KAZN: variants seen among roughly 807,000 people sequenced by gnomAD.
The protein encoded by KAZN is kazrin, periplakin interacting protein.
In KAZN, 40 loss-of-function variants were observed where a neutral mutation model predicts 87.4. The ratio of observed to expected loss-of-function variants is 0.46; its 90% CI spans 0.36 to 0.60. The LOEUF (loss-of-function observed/expected upper bound fraction) is 0.60. Among genes scored for constraint, KAZN ranks in the 20% least tolerant of loss-of-function variants. The pLI, the probability that KAZN is intolerant of heterozygous loss-of-function variation, is 0.00. For missense variants in KAZN, 898 were observed against 1,073.9 expected (o/e 0.84, Z 2.29); for synonymous variants, 466 against 458.3 (o/e 1.02, Z -0.22).
rs1015142810 is a variant in KAZN, at chr1:14,877,627, C to A, written c.227-83057C>A. 5.3e-5 allele frequency among the ~76,000 whole-genome samples: 8 copies of A among 152,306 alleles called. No individual in the cohort carries two copies. The East Asian group carries it at 9.7e-4, about 18-fold the overall frequency. The stretch of plus-strand genomic sequence containing the variant: ...CTTGGGTTCAAGTCCTGGCTCCTCC[C>A]TTATTAGTTTGGTCACCTAGGACAA... On this transcript the variant is annotated intron_variant, in intron 1 of 14. Coordinates refer to ENST00000376030, the MANE Select transcript of KAZN (RefSeq NM_201628.3).
chr1:13,914,005 G>A (rs1639749315), intron 1 of KAZN, among the ~76,000 whole-genome samples: 1 of 152,210 alleles, frequency 6.6e-6, no homozygotes, highest in African/African-American at 2.4e-5. Flanking sequence ...AGACTCTGGG[G>A]GTGAGGCCCG....
intron 1 of KAZN, among the ~76,000 whole-genome samples, chr1:13,947,964 G>A (rs1263962359): frequency 6.6e-6 from 1 of 152,106 alleles, no homozygotes; most frequent in Non-Finnish European, 1.5e-5. Flanking sequence ...CAATTTCTGG[G>A]GTTAGGATGT....
intron 1 of KAZN, among the ~76,000 whole-genome samples, chr1:14,622,734 A>G (rs892285353): frequency 6.6e-6 from 1 of 151,418 alleles, no homozygotes; most frequent in Non-Finnish European, 1.5e-5. Flanking sequence ...TCTCTGCTTC[A>G]CCTTTAAGCC....
chr1:14,897,624 CAA>C (rs35986209), intron 1 of KAZN, among the ~76,000 whole-genome samples: 4 of 150,724 alleles, frequency 2.7e-5, no homozygotes, highest in Non-Finnish European at 5.9e-5. Context: ...CTTTCCAAAG[CAA>C]AAAAAAAATA....
intron 2 of KAZN, among the ~76,000 whole-genome samples, chr1:14,427,227 G>A (rs552287433): frequency 2.6e-5 from 4 of 152,190 alleles, no homozygotes; most frequent in African/African-American, 7.2e-5. Context: ...TCATGGTGTC[G>A]GTACACCCTT....
At chr1:14,497,757 G>A (rs559318259) in intron 2 of KAZN, among the ~76,000 whole-genome samples, 6 of 152,002 alleles carry the variant, frequency 3.9e-5, no homozygotes, top group Admixed American at 6.6e-5. Flanking sequence ...ACAGCCACCC[G>A]ATCAACATAT....
At chr1:14,417,679 T>C (rs565446875) in intron 2 of KAZN, among the ~76,000 whole-genome samples, 2 of 152,098 alleles carry the variant, frequency 1.3e-5, no homozygotes, top group East Asian at 3.9e-4. Flanking sequence ...AGAAAAAGAC[T>C]GTCATCTGAA....
intron 2 of KAZN, among the ~76,000 whole-genome samples, chr1:14,440,731 G>A (rs995313124): frequency 2.0e-5 from 3 of 152,186 alleles, no homozygotes; most frequent in Admixed American, 6.5e-5. Context: ...GTGCTCTTCT[G>A]TTTTGGCAGA....
intron 2 of KAZN, among the ~76,000 whole-genome samples, chr1:14,256,829 G>A (rs1212252795): frequency 6.6e-6 from 1 of 152,096 alleles, no homozygotes; most frequent in Non-Finnish European, 1.5e-5. Context: ...GGGCTTTAGG[G>A]GTCTTTTCTA....
At chr1:15,113,855 T>C (rs1475143891) in intron 14 of KAZN, 1 of 152,224 alleles carries the variant, frequency 6.6e-6, no homozygotes, top group Non-Finnish European at 1.5e-5. Context: ...GGTTTCACCA[T>C]GTTGGCCAGA....
At chr1:14,374,894 T>G (rs1317473607) in intron 2 of KAZN, among the ~76,000 whole-genome samples, 1 of 152,216 alleles carries the variant, frequency 6.6e-6, no homozygotes, top group African/African-American at 2.4e-5. Context: ...TTTAACAATC[T>G]GATTAACCAA....
At chr1:15,001,717 G>A (rs187805997) in intron 2 of KAZN, among the ~76,000 whole-genome samples, 72 of 152,068 alleles carry the variant, frequency 4.7e-4, no homozygotes, top group Admixed American at 1.4e-3. Context: ...CCTCGCCTGT[G>A]GGGTCGACCT....
In KAZN at chr1:14,047,517, A is replaced by G. The variant is rs74624212; in HGVS notation, c.92-132918A>G. ...AACAAACAACCCTTCTTCTACCTTA[A>G]TGGCACCACTGCTCGCCTGGTTGCC... On this transcript the variant is annotated intron_variant, in intron 1 of 16. Coordinates refer to the KAZN transcript ENST00000636203. Among the ~76,000 whole-genome samples the G allele has an allele frequency of 7.8e-3, 1,183 of 152,278 alleles. 65 individuals are homozygous for G. In the East Asian group the frequency reaches 0.14, roughly 18 times the overall value.
intron 2 of KAZN, among the ~76,000 whole-genome samples, chr1:15,000,578 C>T (rs1668365267): frequency 6.6e-6 from 1 of 151,790 alleles, no homozygotes; most frequent in African/African-American, 2.4e-5. Context: ...GGCCACTGTA[C>T]CCCTCTGAAC....
At chr1:15,101,083 C>T (rs1477833793) in intron 10 of KAZN, among the ~76,000 whole-genome samples, 2 of 151,920 alleles carry the variant, frequency 1.3e-5, no homozygotes, top group Non-Finnish European at 1.5e-5. Flanking sequence ...ACCCTCGCTG[C>T]GTCTGAGTGT....
chr1:15,073,689 C>A (rs1228231609), intron 8 of KAZN, among the ~76,000 whole-genome samples: 1 of 152,204 alleles, frequency 6.6e-6, no homozygotes, highest in African/African-American at 2.4e-5. Flanking sequence ...GATGCATAGC[C>A]AGGAAGTGGC....
intron 1 of KAZN, among the ~76,000 whole-genome samples, chr1:14,691,928 CT>C (rs34159268): frequency 0.35 from 50,087 of 144,338 alleles, 8,573 homozygotes; most frequent in South Asian, 0.57. Context: ...CAATTTCTTC[CT>C]TTTTTTTTTT....
At chr1:15,101,227 T>C (rs1641054877) in intron 10 of KAZN, among the ~76,000 whole-genome samples, 1 of 150,428 alleles carries the variant, frequency 6.6e-6, no homozygotes, top group Non-Finnish European at 1.5e-5. Flanking sequence ...CCTCTGCTCC[T>C]TTCTCTCAGT....
At chr1:14,096,657 A>C (rs1422271049) in intron 1 of KAZN, among the ~76,000 whole-genome samples, 2 of 152,198 alleles carry the variant, frequency 1.3e-5, no homozygotes, top group African/African-American at 4.8e-5. Flanking sequence ...CCCTCAGAAT[A>C]TAGGAGAGGG....
Sources: gnomAD v4.1 joint callset for allele counts (sites outside exome capture counted in the v4.1 genomes callset) on GRCh38, gnomAD v4.1.1 for gene constraint, MANE v1.5 for transcripts, NCBI Gene and HGNC (gene_info 2026-07-23, HGNC 2026-07-21) for gene names.